RHOQ: variants seen among roughly 807,000 people sequenced by gnomAD.
RHOQ encodes rho-related GTP-binding protein RhoQ.
Under a neutral mutation model 25.8 loss-of-function variants are expected in RHOQ, and 7 were observed. That is an observed-to-expected ratio of 0.27 (90% CI 0.15 to 0.51). The LOEUF is 0.51. RHOQ is among the 20% of genes least tolerant of loss of function. The probability of loss-of-function intolerance (pLI) is 0.97; values close to 1 mark genes in which losing one functional copy is unlikely to be tolerated. For missense variants in RHOQ, 165 were observed against 260.6 expected, an observed-to-expected ratio of 0.63 and a Z score of 2.53; for synonymous variants, 97 against 98.6, an observed-to-expected ratio of 0.98 and a Z score of 0.10.
At position 46,581,442 on chromosome 2, in the gene RHOQ, A is replaced by G; in HGVS notation, c.*359A>G. ...ATACACATTTCTGCCCAGCCCTTAC[A>G]GAATCTGCACAAAGAAATATCTCCC... is the stretch of plus-strand genomic sequence containing the variant. On this transcript the variant is annotated 3_prime_UTR_variant, in exon 5 of 5. Transcript: ENST00000238738. 1.9e-6 allele frequency: 3 copies of G among 1,599,196 alleles called. No homozygotes were observed. The highest frequency in any genetic ancestry group is 1.1e-5 in the South Asian group (1 of 89,406).
At chr2:46,568,100 T>G (rs374274085) in intron 2 of RHOQ, among the ~76,000 whole-genome samples, 1 of 152,096 alleles carries the variant, frequency 6.6e-6, no homozygotes, top group Non-Finnish European at 1.5e-5. Flanking sequence ...TGCACTAAAG[T>G]TATGCCAAAA....
chr2:46,545,507 A>C (rs6747288), intron 2 of RHOQ, among the ~76,000 whole-genome samples: 120,260 of 152,084 alleles, frequency 0.79, 48,243 homozygotes, highest in African/African-American at 0.92. Context: ...CCAGAGGCAG[A>C]CACATGCAAA....
chr2:46,552,901 A>G lies in RHOQ; in HGVS notation c.201+9089A>G, dbSNP rs1668286891. On this transcript the variant is annotated intron_variant, in intron 2 of 4. Transcript: ENST00000238738. This position sits in a 1 kb window ranked among gnomAD's most constrained non-coding sequence, Gnocchi z 5.0. Reference sequence around the variant, plus strand: ...CTTCCAAGGAGGTGAAATGCTAGTAAGAGTTAAGTTGAGTAAGGTTGTTTC... The same window carrying G: ...CTTCCAAGGAGGTGAAATGCTAGTAGGAGTTAAGTTGAGTAAGGTTGTTTC... Among the ~76,000 whole-genome samples, 1 of 152,216 alleles carries G rather than the reference A, an allele frequency of 6.6e-6. No individual in the cohort carries two copies. The highest frequency in any genetic ancestry group is 6.5e-5 in the Admixed American group (1 of 15,280).
intron 2 of RHOQ, among the ~76,000 whole-genome samples, chr2:46,546,455 T>G (rs1326379020): frequency 2.0e-4 from 1 of 4,952 alleles, no homozygotes; most frequent in African/African-American, 8.3e-4. Flanking sequence ...CATATACATA[T>G]ATATATATAT....
intron 4 of RHOQ, among the ~76,000 whole-genome samples, chr2:46,577,794 C>CA (rs1669189428): frequency 6.6e-6 from 1 of 151,638 alleles, no homozygotes; most frequent in South Asian, 2.1e-4. Context: ...TTTCCTAAAG[C>CA]AAAAAATAAA....
In RHOQ at chr2:46,545,576, G is replaced by A. The variant is rs545365303; in HGVS notation, c.201+1764G>A. Among the ~76,000 whole-genome samples the A allele has an allele frequency of 1.1e-4, 16 of 152,222 alleles. No homozygotes were observed. In the East Asian group the frequency reaches 2.1e-3, roughly 20 times the overall value. On this transcript the variant is annotated intron_variant, in intron 2 of 4. Coordinates refer to ENST00000238738, the MANE Select transcript of RHOQ (RefSeq NM_012249.4). The stretch of plus-strand genomic sequence containing the variant: ...GAGATAGGTGGTATTTCATCTTTGC[G>A]GTGAGGAAACAGGCTCAGAGAAGCT...
chr2:46,549,772 G>T (rs1471536566), intron 2 of RHOQ, among the ~76,000 whole-genome samples: 3 of 152,124 alleles, frequency 2.0e-5, no homozygotes, highest in African/African-American at 7.2e-5. Context: ...GCTCTCAGGG[G>T]TCCCCCGGCT....
At chr2:46,567,142 AG>A (rs1052328311) in intron 2 of RHOQ, among the ~76,000 whole-genome samples, 1 of 152,262 alleles carries the variant, frequency 6.6e-6, no homozygotes, top group Non-Finnish European at 1.5e-5. Flanking sequence ...TAAAAAGGAA[AG>A]TAATTCATCA....
rs1417756569 is a variant in RHOQ, at chr2:46,583,869, T to G, written c.*2786T>G. On this transcript the variant is annotated 3_prime_UTR_variant, in exon 5 of 5. Transcript: ENST00000238738. ...ATGTATGAATGAACTTACAAGATAT[T>G]TGAGTTAATCAGTGTTTGCATATAG... is the stretch of plus-strand genomic sequence containing the variant. 1.3e-5 allele frequency among the ~76,000 whole-genome samples: 2 copies of G among 152,208 alleles called. No homozygotes were observed. The highest frequency in any genetic ancestry group is 4.8e-5 in the African/African-American group (2 of 41,464).
Position 46,582,206 on chromosome 2 carries a change from A to G in RHOQ, c.*1123A>G, listed in dbSNP as rs1484859488. ...GAGACCCCTTTTCTCCAGCCATATTACATCAGGCTAGAAGTAATTAATGTT... is the reference window on the plus strand; with the variant it reads ...GAGACCCCTTTTCTCCAGCCATATTGCATCAGGCTAGAAGTAATTAATGTT... On this transcript the variant is annotated 3_prime_UTR_variant, in exon 5 of 5. Coordinates refer to ENST00000238738, the MANE Select transcript of RHOQ (RefSeq NM_012249.4). The G allele has an allele frequency of 6.6e-6, 1 of 152,238 alleles. No homozygotes were observed. The highest frequency in any genetic ancestry group is 2.4e-5 in the African/African-American group (1 of 41,428). 9.4% of individuals were successfully genotyped at this position (152,238 alleles called of 1,614,324 possible). A position where few individuals can be genotyped will look rare whatever the true frequency, so the allele number is the denominator to read the frequency against.
At chr2:46,573,648 T>C (rs913932863) in intron 2 of RHOQ, among the ~76,000 whole-genome samples, 3 of 152,230 alleles carry the variant, frequency 2.0e-5, no homozygotes, top group African/African-American at 4.8e-5. Context: ...TTACCTTCTG[T>C]AAAATACTTG....
chr2:46,560,566 G>A, intron 2 of RHOQ: 1 of 456,182 alleles, frequency 2.2e-6, no homozygotes, highest in Non-Finnish European at 4.4e-6. Context: ...GGAGATTTCT[G>A]TTTCATCTGG....
intron 4 of RHOQ, among the ~76,000 whole-genome samples, chr2:46,579,447 C>T (rs2104038671): frequency 6.6e-6 from 1 of 152,332 alleles, no homozygotes; most frequent in South Asian, 2.1e-4. Flanking sequence ...ATTTGGTTAT[C>T]CAGCTGTTTA....
At chr2:46,562,334 C>T (rs1290389814) in intron 2 of RHOQ, among the ~76,000 whole-genome samples, 2 of 152,036 alleles carry the variant, frequency 1.3e-5, no homozygotes, top group Non-Finnish European at 2.9e-5. Context: ...GACTCTAAGG[C>T]TTTTATGAGA....
At chr2:46,550,296 G>C (rs1668201282) in intron 2 of RHOQ, among the ~76,000 whole-genome samples, 1 of 151,656 alleles carries the variant, frequency 6.6e-6, no homozygotes, top group African/African-American at 2.4e-5. Flanking sequence ...TCTGCTAAAA[G>C]GTTAACCAAG....
chr2:46,549,013 A>C (rs1184863651), intron 2 of RHOQ, among the ~76,000 whole-genome samples: 1 of 152,024 alleles, frequency 6.6e-6, no homozygotes, highest in East Asian at 1.9e-4. Context: ...GGGTGGGGGC[A>C]GTCCCCACCA....
intron 4 of RHOQ, chr2:46,580,130 C>G (rs1289002165): frequency 6.6e-6 from 1 of 152,646 alleles, no homozygotes; most frequent in Non-Finnish European, 1.5e-5. Flanking sequence ...CACTGCTCTG[C>G]TCAGAATCCT....
intron 2 of RHOQ, among the ~76,000 whole-genome samples, chr2:46,570,014 T>G (rs2104017395): frequency 1.3e-5 from 2 of 152,316 alleles, no homozygotes; most frequent in Middle Eastern, 3.4e-3. Context: ...CTTACCAAAG[T>G]GTTTTCAAAA....
chr2:46,547,478 G>A (rs931315664), intron 2 of RHOQ, among the ~76,000 whole-genome samples: 5 of 152,218 alleles, frequency 3.3e-5, no homozygotes. Flanking sequence ...TTGGACTTCA[G>A]TCCCCATCAT....
Sources: allele counts gnomAD v4.1 joint callset (sites outside exome capture counted in the v4.1 genomes callset), GRCh38; gene constraint gnomAD v4.1.1; non-coding constraint Gnocchi (gnomAD v3.1); transcripts MANE v1.5; gene names NCBI Gene and HGNC (gene_info 2026-07-23, HGNC 2026-07-21).